EP300: variants seen among roughly 807,000 people sequenced by gnomAD.
EP300 encodes the protein histone acetyltransferase p300.
Under a neutral mutation model 264.0 loss-of-function variants are expected in EP300, and 31 were observed. That is an observed-to-expected ratio of 0.12 (90% CI 0.09 to 0.16). EP300 has a LOEUF of 0.16. EP300 is among the 10% of genes least tolerant of loss of function. The pLI is 1.00. For missense variants in EP300, 2,766 were observed against 3,052.9 expected, an observed-to-expected ratio of 0.91 and a Z score of 2.21; for synonymous variants, 1,340 against 1,045.4, an observed-to-expected ratio of 1.28 and a Z score of -5.44.
chr22:41,148,827 A>G (rs1251554748), intron 12 of EP300: 12 of 614,516 alleles, frequency 2.0e-5, no homozygotes, highest in Non-Finnish European at 3.1e-5. Context: ...AGGCCTAGGT[A>G]AACTGTGAGG....
intron 21 of EP300, among the ~76,000 whole-genome samples, chr22:41,163,434 CA>C (rs763502729): frequency 0.03 from 1,351 of 44,986 alleles, 21 homozygotes; most frequent in Admixed American, 0.11. Flanking sequence ...GACTCCGTCT[CA>C]AAAAAAAAAA....
intron 14 of EP300, among the ~76,000 whole-genome samples, chr22:41,150,459 G>A (rs746959150): frequency 5.3e-5 from 8 of 152,176 alleles, no homozygotes; most frequent in Non-Finnish European, 7.3e-5. Flanking sequence ...CTGAAGGTAC[G>A]TAAAGGGGTA....
intron 17 of EP300, among the ~76,000 whole-genome samples, chr22:41,156,535 A>C (rs1431913126): frequency 6.6e-6 from 1 of 152,116 alleles, no homozygotes; most frequent in Non-Finnish European, 1.5e-5. Flanking sequence ...AGCCTCACCA[A>C]CATGGTGAAA....
chr22:41,164,945 G>T (rs1182514996), intron 22 of EP300, among the ~76,000 whole-genome samples: 1 of 152,156 alleles, frequency 6.6e-6, no homozygotes, highest in Non-Finnish European at 1.5e-5. Context: ...GACATCCAGT[G>T]CCTCTCATTA....
Position 41,092,951 on chromosome 22 carries a change from G to T in EP300, c.-54G>T. 1 of 1,605,830 alleles carries T rather than the reference G, an allele frequency of 6.2e-7. No individual in the cohort carries two copies. The highest frequency in any genetic ancestry group is 1.1e-5 in the South Asian group (1 of 90,896). On this transcript the variant is annotated 5_prime_UTR_variant, in exon 1 of 31. Transcript: ENST00000263253. ...GGCGCGGGGACCCCGGGCCGAAGAAGAGATTTCCTGAGGATTCTGGTTTTC... is the reference window on the plus strand; with the variant it reads ...GGCGCGGGGACCCCGGGCCGAAGAATAGATTTCCTGAGGATTCTGGTTTTC...
intron 1 of EP300, among the ~76,000 whole-genome samples, chr22:41,107,142 G>A (rs1424088086): frequency 6.6e-6 from 1 of 151,864 alleles, no homozygotes; most frequent in Non-Finnish European, 1.5e-5. Context: ...CCTGATCTCC[G>A]CCAGCCTCGG....
At chr22:41,127,377 C>T in intron 3 of EP300, 110 bp from the exon 4 acceptor site, 2 of 1,446,200 alleles carry the variant, frequency 1.4e-6, no homozygotes, top group Non-Finnish European at 1.9e-6. Context: ...TGGAGTCTGG[C>T]TTATAGTAGA....
chr22:41,172,452 T>C lies in EP300; in HGVS notation c.4453-47T>C, dbSNP rs760418839. ...CATGATTATTCTGTATAATCAATGC[T>C]TTAAAAGAACATAGAAATTCCTATA... On this transcript the variant is annotated intron_variant, in intron 27 of 30. Transcript: ENST00000263253. 1.9e-5 allele frequency: 29 copies of C among 1,516,870 alleles called. No homozygotes were observed. In the African/African-American group the frequency reaches 3.8e-4, roughly 20 times the overall value. 94.0% of individuals were successfully genotyped at this position (1,516,870 alleles called of 1,614,324 possible). A position where few individuals can be genotyped will look rare whatever the true frequency, so the allele number is the denominator to read the frequency against.
rs1555909323 is a variant in EP300, at chr22:41,147,852, G to T, written c.2147G>T (p.Gly716Val). ...ITPQSGLNQFGQMSMAQPPIV... is the reference protein window; with the variant it reads ...ITPQSGLNQFVQMSMAQPPIV... Reference sequence around the variant, plus strand: ...ATATTCACAGGTTTGAATCAATTTGGCCAGATGAGCATGGCCCAGCCCCCT... The same window carrying T: ...ATATTCACAGGTTTGAATCAATTTGTCCAGATGAGCATGGCCCAGCCCCCT... The change falls in exon 12 of 31, where the codon GGC becomes GTC. Residue 716 changes from glycine (G) to valine (V), a missense_variant. Gly to Val is a moderately radical substitution (Grantham distance 109, BLOSUM62 -3). Transcript: ENST00000263253. 6.2e-7 allele frequency: 1 copy of T among 1,613,830 alleles called. No homozygotes were observed. The highest frequency in any genetic ancestry group is 8.5e-7 in the Non-Finnish European group (1 of 1,179,842).
intron 1 of EP300, among the ~76,000 whole-genome samples, chr22:41,110,139 A>C (rs916923840): frequency 1.3e-5 from 1 of 74,124 alleles, no homozygotes; most frequent in Non-Finnish European, 2.5e-5. Flanking sequence ...TTTTTTTTTA[A>C]GTTATTGAGA....
intron 2 of EP300, among the ~76,000 whole-genome samples, chr22:41,124,231 C>T (rs549660836): frequency 6.6e-6 from 1 of 152,146 alleles, no homozygotes; most frequent in East Asian, 1.9e-4. Context: ...GGCGACAGAG[C>T]GAGACTTTGT....
At position 41,179,084 on chromosome 22, in the gene EP300, T is replaced by C; in HGVS notation, c.*128T>C. On this transcript the variant is annotated 3_prime_UTR_variant, in exon 31 of 31. Transcript: ENST00000263253. The stretch of plus-strand genomic sequence containing the variant: ...TTTTCCTTGGAACACATAAGAACTG[T>C]GCAGTAGCCGTTTGTGGTTTAAAGC... 9.5e-7 allele frequency: 1 copy of C among 1,057,758 alleles called. No homozygotes were observed. The allele number at this position is 1,057,758 out of a possible 1,614,324, so 65.5% of individuals were successfully genotyped here.
At chr22:41,142,764 T>C (rs1230371127) in intron 10 of EP300, among the ~76,000 whole-genome samples, 2 of 152,008 alleles carry the variant, frequency 1.3e-5, no homozygotes, top group Non-Finnish European at 2.9e-5. Context: ...CGGGCACCTG[T>C]AGTCCCAGCT....
At chr22:41,113,253 C>A (rs548201719) in intron 1 of EP300, among the ~76,000 whole-genome samples, 1 of 142,964 alleles carries the variant, frequency 7.0e-6, no homozygotes, top group Non-Finnish European at 1.5e-5. Flanking sequence ...GTATTTTCTC[C>A]GGAATTTATT....
At position 41,177,648 on chromosome 22, in the gene EP300, T is replaced by C; in HGVS notation, c.5937T>C (p.His1979=). Residue 1979 remains histidine (H), a synonymous_variant, in exon 31 of 31, where the codon CAT becomes CAC. Transcript: ENST00000263253. ...CCATGACCAGAGGTCCCAGTGGGCA[T>C]TTGGAGCCAGGGATGGGACCGACAG... is the stretch of plus-strand genomic sequence containing the variant. The part of the protein sequence containing the change: ...PPPMTRGPSG[H]LEPGMGPTGM... 6.2e-7 allele frequency: 1 copy of C among 1,613,968 alleles called. No homozygotes were observed. The highest frequency in any genetic ancestry group is 1.1e-5 in the South Asian group (1 of 91,064).
At chr22:41,111,048 C>G (rs1485697307) in intron 1 of EP300, among the ~76,000 whole-genome samples, 1 of 151,474 alleles carries the variant, frequency 6.6e-6, no homozygotes, top group Non-Finnish European at 1.5e-5. Flanking sequence ...TCACTGCAAA[C>G]TCTGCCTCCT....
At chr22:41,099,908 C>T (rs1235464455) in intron 1 of EP300, among the ~76,000 whole-genome samples, 4 of 152,144 alleles carry the variant, frequency 2.6e-5, no homozygotes, top group African/African-American at 9.7e-5. Flanking sequence ...GAGATTTCAT[C>T]AGGCTACTCA....
In EP300 at chr22:41,177,772, C is replaced by T. The variant is rs1345270118; in HGVS notation, c.6061C>T (p.His2021Tyr). ...PRPAMMSVAQ[H>Y]GQPLNMAPQP... is the part of the protein sequence containing the mutation. ...GCCAGCCATGATGTCAGTGGCCCAG[C>T]ATGGTCAACCTTTGAACATGGCTCC... is the stretch of plus-strand genomic sequence containing the variant. Residue 2021 changes from histidine (H) to tyrosine (Y), a missense_variant, in exon 31 of 31, where the codon CAT becomes TAT. By Grantham distance (83) the His-to-Tyr change is moderately conservative. Coordinates refer to ENST00000263253, the MANE Select transcript of EP300 (RefSeq NM_001429.4). 2 of 1,613,978 alleles carry T rather than the reference C, an allele frequency of 1.2e-6. No homozygotes were observed. The highest frequency in any genetic ancestry group is 1.7e-5 in the Admixed American group (1 of 60,026).
At chr22:41,170,116 G>A (rs2059161415) in intron 26 of EP300, among the ~76,000 whole-genome samples, 1 of 152,212 alleles carries the variant, frequency 6.6e-6, no homozygotes, top group Admixed American at 6.5e-5. Flanking sequence ...TTAACATGCA[G>A]ACTTAGGGTT....
Sources: allele counts gnomAD v4.1 joint callset (sites outside exome capture counted in the v4.1 genomes callset), GRCh38; gene constraint gnomAD v4.1.1; transcripts MANE v1.5; gene names NCBI Gene and HGNC (gene_info 2026-07-23, HGNC 2026-07-21).